The following SLC4A2 variants were observed in gnomAD, a reference collection of about 807,000 sequenced individuals.
The protein encoded by SLC4A2 is anion exchange protein 2.
Under a neutral mutation model 115.0 loss-of-function variants are expected in SLC4A2, and 36 were observed. The ratio of observed to expected loss-of-function variants is 0.31; its 90% CI spans 0.24 to 0.41. The LOEUF (loss-of-function observed/expected upper bound fraction) is 0.41. SLC4A2 is among the 10% of genes least tolerant of loss of function. The pLI is 1.00. For synonymous variants in SLC4A2, 708 were observed against 708.3 expected (o/e 1.00, Z 0.01); for missense variants, 1,252 against 1,705.6 (o/e 0.73, Z 4.68).
In SLC4A2 at chr7:151,071,608, G is replaced by A. The variant is rs2303936; in HGVS notation, c.2191+3G>A. On this transcript the variant is annotated splice_donor_region_variant and intron_variant, in intron 14 of 22. Coordinates refer to ENST00000413384, the MANE Select transcript of SLC4A2 (RefSeq NM_003040.4). This position sits in a 1 kb window ranked among gnomAD's most constrained non-coding sequence, Gnocchi z 5.5. ...CATCACCTTTGGGGGGCTGCTGGGTGAGGAGAGCCTTCAGGTAGGGGGCGG... is the reference window on the plus strand; with the variant it reads ...CATCACCTTTGGGGGGCTGCTGGGTAAGGAGAGCCTTCAGGTAGGGGGCGG... 3.3e-3 allele frequency: 5,368 copies of A among 1,613,860 alleles called. 94 individuals are homozygous for A. In the African/African-American group the frequency reaches 0.047, roughly 14 times the overall value.
chr7:151,068,831 TA>T (rs74372399), intron 8 of SLC4A2, among the ~76,000 whole-genome samples: 110 of 146,808 alleles, frequency 7.5e-4, no homozygotes, highest in Middle Eastern at 3.5e-3. Flanking sequence ...AAAATTAAAT[TA>T]AAAAAAAAAA....
chr7:151,066,955 C>A lies in SLC4A2; in HGVS notation c.928C>A (p.Pro310Thr). The change falls in exon 7 of 23, where the codon CCT becomes ACT. Residue 310 changes from proline (P) to threonine (T), a missense_variant. This residue lies in a region of SLC4A2 where 48 missense variants were observed against 44.4 expected (regional missense o/e 1.08). Coordinates refer to ENST00000413384, the MANE Select transcript of SLC4A2 (RefSeq NM_003040.4). The stretch of plus-strand genomic sequence containing the variant: ...AGAAGGGCGGGAGCCTGGCCCCACA[C>A]CTCGGGCCCGACCCCGGGCCCCCCA... ...GREGREPGPT[P>T]RARPRAPHKP... 1 of 1,611,670 alleles carries A rather than the reference C, an allele frequency of 6.2e-7. No individual in the cohort carries two copies. Among genetic ancestry groups the A allele is most frequent in the Non-Finnish European group, 8.5e-7 (1 of 1,179,262 alleles).
intron 1 of SLC4A2, 106 bp from the exon 2 acceptor site, chr7:151,061,819 C>G (rs761922409): frequency 6.4e-6 from 4 of 620,478 alleles, no homozygotes; most frequent in African/African-American, 1.8e-5. Flanking sequence ...AAGGGCCACT[C>G]TGAGGCCCTT....
rs778796662 is a variant in SLC4A2 at position 151,074,758 on chromosome 7, C to T, written c.2964C>T (p.Pro988=). The change falls in exon 19 of 23, where the codon CCC becomes CCT. Residue 988 remains proline, a synonymous_variant. Transcript: ENST00000413384. The part of the protein sequence containing the change: ...WVINPLGEKS[P]FPVWMMVASL... Reference sequence around the variant, plus strand: ...TCAACCCCCTGGGAGAGAAGAGCCCCTTCCCTGTGTGGATGATGGTTGCCA... The same window carrying T: ...TCAACCCCCTGGGAGAGAAGAGCCCTTTCCCTGTGTGGATGATGGTTGCCA... 12 of 1,613,810 alleles carry T rather than the reference C, an allele frequency of 7.4e-6. No individual in the cohort carries two copies. Among genetic ancestry groups the T allele is most frequent in the African/African-American group, 1.3e-5 (1 of 74,930 alleles).
At chr7:151,063,980 C>A (rs1797140602) in intron 2 of SLC4A2, among the ~76,000 whole-genome samples, 1 of 152,058 alleles carries the variant, frequency 6.6e-6, no homozygotes, top group Non-Finnish European at 1.5e-5. Flanking sequence ...CCACCCACCT[C>A]AGCCTCCCAA....
chr7:151,059,585 G>A (rs1490169531), upstream of SLC4A2: 1 of 151,402 alleles, frequency 6.6e-6, no homozygotes, highest in African/African-American at 2.4e-5. This position sits in a 1 kb window ranked among gnomAD's most constrained non-coding sequence, Gnocchi z 5.8. Context: ...GCGCCGGGGG[G>A]CGCGCACGCA....
In SLC4A2 at chr7:151,076,063, G is replaced by A; in HGVS notation, c.3522G>A (p.Leu1174=). 1.2e-6 allele frequency: 2 copies of A among 1,611,814 alleles called. No individual in the cohort carries two copies. The highest frequency in any genetic ancestry group is 2.2e-5 in the South Asian group (2 of 91,072). ...TCACGGCCCTGCAGCTGCTCTGCCT[G>A]GCCCTGCTCTGGGCCGTCATGTCCA... ...HLFTALQLLC[L]ALLWAVMSTA... Residue 1174 remains leucine (L), a synonymous_variant, in exon 22 of 23, where the codon CTG becomes CTA. Transcript: ENST00000413384.
Position 151,071,249 on chromosome 7 carries a change from C to T in SLC4A2, c.1927C>T (p.Leu643=). The T allele has an allele frequency of 6.4e-7, 1 of 1,570,068 alleles. No individual in the cohort carries two copies. Among genetic ancestry groups the T allele is most frequent in the East Asian group, 2.4e-5 (1 of 42,002 alleles). The part of the protein sequence containing the change: ...MLKKREEQGR[L]LPTGAGLEPK... ...CAAGAAGCGAGAGGAGCAGGGCCGG[C>T]TGCTACCTACAGGGGCTGGGCTGGA... The change falls in exon 13 of 23, where the codon CTG becomes TTG. Residue 643 remains leucine (L), a synonymous_variant. Coordinates refer to ENST00000413384, the MANE Select transcript of SLC4A2 (RefSeq NM_003040.4). The surrounding 1 kb of genome is among the most constrained non-coding windows in gnomAD (Gnocchi z 5.5).
At position 151,071,868 on chromosome 7, in the gene SLC4A2, C is replaced by G. The variant is rs769943044; in HGVS notation, c.2340+31C>G. 4 of 1,602,530 alleles carry G rather than the reference C, an allele frequency of 2.5e-6. No individual in the cohort carries two copies. In the Admixed American group the frequency reaches 6.8e-5, roughly 27 times the overall value. ...GGCTCTTCTCGCCCATCTCCAGCCGCCCCTCCCGTGCCCTAGACACCTCCC... is the reference window on the plus strand; with the variant it reads ...GGCTCTTCTCGCCCATCTCCAGCCGGCCCTCCCGTGCCCTAGACACCTCCC... On this transcript the variant is annotated intron_variant, in intron 15 of 22. Coordinates refer to ENST00000413384, the MANE Select transcript of SLC4A2 (RefSeq NM_003040.4). The surrounding 1 kb of genome is among the most constrained non-coding windows in gnomAD (Gnocchi z 5.5).
Position 151,070,505 on chromosome 7 carries a change from T to C in SLC4A2, c.1498T>C (p.Ser500Pro). The C allele has an allele frequency of 6.2e-7, 1 of 1,613,714 alleles. No homozygotes were observed. Among genetic ancestry groups the C allele is most frequent in the Non-Finnish European group, 8.5e-7 (1 of 1,179,884 alleles). The change falls in exon 11 of 23, where the codon TCC becomes CCC. Residue 500 changes from serine (S) to proline (P), a missense_variant. Physicochemically the swap from Ser to Pro is moderately conservative, Grantham distance 74 (BLOSUM62 -1). Coordinates refer to ENST00000413384, the MANE Select transcript of SLC4A2 (RefSeq NM_003040.4). ...ACCAGCTGGCATCACCCGCTCCAAGTCCAAGCACGAGCTGAAACTGCTGGA... is the reference window on the plus strand; with the variant it reads ...ACCAGCTGGCATCACCCGCTCCAAGCCCAAGCACGAGCTGAAACTGCTGGA... ...APPAGITRSK[S>P]KHELKLLEKI... is the part of the protein sequence containing the mutation.
chr7:151,062,915 A>G (rs1326473726), intron 2 of SLC4A2: 1 of 1,393,110 alleles, frequency 7.2e-7, no homozygotes, highest in African/African-American at 1.5e-5. Flanking sequence ...CCTTCACCCC[A>G]GCCCTCCCCG....
At chr7:151,073,673 G>A (rs1451598733) in intron 16 of SLC4A2, among the ~76,000 whole-genome samples, 2 of 152,108 alleles carry the variant, frequency 1.3e-5, no homozygotes, top group Non-Finnish European at 2.9e-5. Context: ...AACAATCCAG[G>A]AGTGTAGAAA....
chr7:151,074,182 G>A lies in SLC4A2; in HGVS notation c.2679G>A (p.Lys893=). 2 of 1,612,970 alleles carry A rather than the reference G, an allele frequency of 1.2e-6. No homozygotes were observed. The highest frequency in any genetic ancestry group is 1.7e-6 in the Non-Finnish European group (2 of 1,179,988). The change falls in exon 17 of 23, where the codon AAG becomes AAA. Residue 893 remains lysine (K), a synonymous_variant. Transcript: ENST00000413384. ...TGGCTGGGCAGTCTGGGCAGGGGAA[G>A]CCCCGGGGCCAGCCCAACACGGCCC... The part of the protein sequence containing the change: ...RSLAGQSGQG[K]PRGQPNTALL...
In SLC4A2 at chr7:151,066,553, G is replaced by T. The variant is rs2229548; in HGVS notation, c.615G>T (p.Ala205=). ...QVEEAEAEAV[A]VASGTAGGDD... is the part of the protein sequence containing the mutation. ...AGGAGGCGGAGGCGGAGGCGGTGGC[G>T]GTGGCCAGTGGCACTGCAGGGGGTG... is the stretch of plus-strand genomic sequence containing the variant. Residue 205 remains alanine, a synonymous_variant, in exon 6 of 23, where the codon GCG becomes GCT. Coordinates refer to ENST00000413384, the MANE Select transcript of SLC4A2 (RefSeq NM_003040.4). 7 of 1,540,564 alleles carry T rather than the reference G, an allele frequency of 4.5e-6. No homozygotes were observed. Among genetic ancestry groups the T allele is most frequent in the Non-Finnish European group, 6.1e-6 (7 of 1,142,954 alleles).
chr7:151,058,788 GAGCTGATTATAGATTC>G (rs1796960902), upstream of SLC4A2: 2 of 152,366 alleles, frequency 1.3e-5, no homozygotes, highest in South Asian at 4.1e-4. Flanking sequence ...CCCCTTAAAG[GAGCTGATTATAGATTC>G]CCTTACGCTG....
intron 21 of SLC4A2, 111 bp from the exon 22 acceptor site, chr7:151,075,902 C>T: frequency 7.0e-7 from 1 of 1,426,828 alleles, no homozygotes; most frequent in South Asian, 1.3e-5. Flanking sequence ...CTGTACCAAC[C>T]CAGCTCTGGC....
rs1212999870 is a variant in SLC4A2, at chr7:151,063,293, A to G, written c.52-909A>G. On this transcript the variant is annotated intron_variant, in intron 2 of 22. Transcript: ENST00000413384. The stretch of plus-strand genomic sequence containing the variant: ...GGAGCTCTCCTGGGGGCTGAAGGGC[A>G]TCCATTCCGGTCCCTGCGGGGCTGG... The G allele has an allele frequency of 7.6e-6, 7 of 923,944 alleles. No homozygotes were observed. In the Admixed American group the frequency reaches 2.4e-4, roughly 32 times the overall value. 57.2% of individuals were successfully genotyped at this position (923,944 alleles called of 1,614,324 possible).
chr7:151,067,695 T>A (rs1205128353), intron 7 of SLC4A2, among the ~76,000 whole-genome samples, 179 bp from the exon 8 acceptor site: 1 of 152,194 alleles, frequency 6.6e-6, no homozygotes, highest in Admixed American at 6.5e-5. Context: ...CTGCGTCTCA[T>A]TGGTTAGTCA....
At chr7:151,064,997 A>G (rs926674339) in intron 5 of SLC4A2, 31 bp downstream of exon 5, 5 of 1,341,504 alleles carry the variant, frequency 3.7e-6, no homozygotes, top group Admixed American at 1.7e-5. Flanking sequence ...AGTGTCCCCA[A>G]CAGACACTTC....
Sources: gnomAD v4.1 joint callset for allele counts (sites outside exome capture counted in the v4.1 genomes callset) on GRCh38, gnomAD v4.1.1 for gene constraint, gnomAD v4.1.1 regional missense constraint, Gnocchi (gnomAD v3.1) non-coding constraint, MANE v1.5 for transcripts, NCBI Gene and HGNC (gene_info 2026-07-23, HGNC 2026-07-21) for gene names.